STARD13: variants seen among roughly 807,000 people sequenced by gnomAD.
STARD13 encodes stAR-related lipid transfer protein 13.
Under a neutral mutation model 106.4 loss-of-function variants are expected in STARD13, and 62 were observed. That is an observed-to-expected ratio of 0.58 (90% CI 0.48 to 0.72). STARD13 has a LOEUF of 0.72. STARD13 is among the 30% of genes least tolerant of loss of function. The pLI is 0.00. For synonymous variants in STARD13, 565 were observed against 553.0 expected, an observed-to-expected ratio of 1.02 and a Z score of -0.31; for missense variants, 1,387 against 1,424.0, an observed-to-expected ratio of 0.97 and a Z score of 0.42.
the STARD13 span, among the ~76,000 whole-genome samples, chr13:33,565,235 A>AG: frequency 1.4e-5 from 2 of 145,744 alleles, no homozygotes; most frequent in Admixed American, 7.1e-5. Context: ...TGTAGAGGGA[A>AG]GGGGGGAAAT....
chr13:33,516,076 T>TAC, the STARD13 span, among the ~76,000 whole-genome samples: 1 of 150,572 alleles, frequency 6.6e-6, no homozygotes, highest in Non-Finnish European at 1.5e-5. Context: ...CACATATATA[T>TAC]ACACACACAC....
chr13:33,587,548 A>G, the STARD13 span, among the ~76,000 whole-genome samples: 1 of 152,174 alleles, frequency 6.6e-6, no homozygotes, highest in Non-Finnish European at 1.5e-5. Context: ...CAGCATTCCT[A>G]ACTCCAGATG....
At chr13:33,212,376 C>T (rs1369402795) in intron 1 of STARD13, among the ~76,000 whole-genome samples, 1 of 152,070 alleles carries the variant, frequency 6.6e-6, no homozygotes, top group Non-Finnish European at 1.5e-5. Context: ...TTGTTTTCTA[C>T]TCCCATTTTA....
At chr13:33,155,888 G>A (rs757725357) in intron 3 of STARD13, among the ~76,000 whole-genome samples, 3 of 152,200 alleles carry the variant, frequency 2.0e-5, no homozygotes, top group Non-Finnish European at 4.4e-5. Context: ...GGTTACAACA[G>A]GCTGTACCAA....
the STARD13 span, among the ~76,000 whole-genome samples, chr13:33,639,383 C>T: frequency 6.6e-6 from 1 of 152,196 alleles, no homozygotes; most frequent in Non-Finnish European, 1.5e-5. Flanking sequence ...CAAAGTTGCA[C>T]AAGAACAGCC....
intron 3 of STARD13, among the ~76,000 whole-genome samples, chr13:33,148,303 A>G (rs1162530769): frequency 1.3e-5 from 2 of 152,216 alleles, no homozygotes; most frequent in African/African-American, 2.4e-5. Context: ...CTATATACAG[A>G]GAGAGCATAT....
At chr13:33,270,033 C>A (rs552712420) in intron 1 of STARD13, among the ~76,000 whole-genome samples, 1 of 152,086 alleles carries the variant, frequency 6.6e-6, no homozygotes, top group African/African-American at 2.4e-5. Context: ...GTCAGGAGTT[C>A]GAGACCAGCC....
the STARD13 span, among the ~76,000 whole-genome samples, chr13:33,534,926 AAGG>A: frequency 8.5e-5 from 13 of 152,346 alleles, no homozygotes; most frequent in African/African-American, 3.1e-4. Flanking sequence ...GACATAATAA[AAGG>A]AGAACCGGGC....
the STARD13 span, among the ~76,000 whole-genome samples, chr13:33,459,497 T>C: frequency 6.6e-6 from 1 of 152,330 alleles, no homozygotes; most frequent in South Asian, 2.1e-4. Flanking sequence ...TGTCTACTCA[T>C]TTGTCTGCTG....
At chr13:33,515,875 T>C in the STARD13 span, among the ~76,000 whole-genome samples, 2 of 152,086 alleles carry the variant, frequency 1.3e-5, no homozygotes, top group South Asian at 4.1e-4. Context: ...AAGACAGCCC[T>C]TCTTCATCTC....
the STARD13 span, among the ~76,000 whole-genome samples, chr13:33,505,527 T>C: frequency 5.0e-3 from 762 of 152,260 alleles, 5 homozygotes; most frequent in African/African-American, 0.018. Context: ...ATATTATCCT[T>C]TTAAATAATT....
At chr13:33,308,619 G>A (rs1719595833) in intron 1 of STARD13, among the ~76,000 whole-genome samples, 1 of 149,362 alleles carries the variant, frequency 6.7e-6, no homozygotes. Flanking sequence ...TACCTCCTGG[G>A]TTCAAGTGGT....
chr13:33,589,133 C>A, the STARD13 span, among the ~76,000 whole-genome samples: 2 of 152,098 alleles, frequency 1.3e-5, no homozygotes, highest in African/African-American at 4.8e-5. Context: ...TCTGTGGGAT[C>A]GGTGATGATA....
At chr13:33,149,527 T>C (rs1036151892) in intron 3 of STARD13, among the ~76,000 whole-genome samples, 12 of 152,244 alleles carry the variant, frequency 7.9e-5, no homozygotes, top group Admixed American at 3.3e-4. Flanking sequence ...AAAGTCATCA[T>C]CACTGAAGAC....
chr13:33,358,244 G>A, the STARD13 span, among the ~76,000 whole-genome samples: 1,593 of 152,244 alleles, frequency 0.01, 14 homozygotes, highest in Non-Finnish European at 0.016. Context: ...CATGCAGCCC[G>A]CCATGCCTGA....
chr13:33,339,858 A>C (rs1386257792), intron 1 of STARD13, among the ~76,000 whole-genome samples: 1 of 152,160 alleles, frequency 6.6e-6, no homozygotes, highest in Non-Finnish European at 1.5e-5. Context: ...AGGCCAAGGC[A>C]GGTGGATCAC....
the STARD13 span, among the ~76,000 whole-genome samples, chr13:33,595,914 T>G: frequency 1.3e-5 from 2 of 152,166 alleles, no homozygotes; most frequent in African/African-American, 2.4e-5. Context: ...TCCTGAAGCT[T>G]AGCATTAGGA....
intron 1 of STARD13, among the ~76,000 whole-genome samples, chr13:33,227,030 C>G (rs1277390479): frequency 6.6e-6 from 1 of 152,008 alleles, no homozygotes; most frequent in African/African-American, 2.4e-5. Flanking sequence ...ACCTCTGCCC[C>G]AGAGAAAATT....
chr13:33,289,465 A>G (rs1892202613), upstream of STARD13, among the ~76,000 whole-genome samples: 1 of 152,102 alleles, frequency 6.6e-6, no homozygotes, highest in African/African-American at 2.4e-5. Context: ...GATTGGATGG[A>G]AAGGAGGCTA....
Sources: gnomAD v4.1 joint callset for allele counts (sites outside exome capture counted in the v4.1 genomes callset) on GRCh38, gnomAD v4.1.1 for gene constraint, MANE v1.5 for transcripts, NCBI Gene and HGNC (gene_info 2026-07-23, HGNC 2026-07-21) for gene names.